PCDHGC4: variants seen among roughly 807,000 people sequenced by gnomAD.
PCDHGC4 encodes protocadherin gamma-C4.
In PCDHGC4, 15 loss-of-function variants were observed where a neutral mutation model predicts 59.7. The observed-to-expected ratio is 0.25, with a 90% CI of 0.17 to 0.39. The LOEUF (loss-of-function observed/expected upper bound fraction) is 0.39, where lower values mean the gene tolerates loss of function less well. Ranked by LOEUF, PCDHGC4 falls within the 10% of genes least tolerant of loss-of-function variation. PCDHGC4 has a pLI of 1.00. For synonymous variants in PCDHGC4, 434 were observed against 481.4 expected (o/e 0.90, Z 1.29); for missense variants, 1,016 against 1,189.5 (o/e 0.85, Z 2.15).
intron 2 of PCDHGC4, among the ~76,000 whole-genome samples, chr5:141,501,324 CA>C (rs1311475307): frequency 7.2e-5 from 11 of 151,778 alleles, no homozygotes; most frequent in African/African-American, 1.9e-4. Flanking sequence ...CACACACACA[CA>C]CACACACACC....
At chr5:141,495,255 G>A (rs1055329757) in intron 2 of PCDHGC4, among the ~76,000 whole-genome samples, 5 of 152,212 alleles carry the variant, frequency 3.3e-5, no homozygotes, top group African/African-American at 1.2e-4. Flanking sequence ...GGCTCAGGCA[G>A]AAAAGCATTT....
rs1011731430 is a variant in PCDHGC4, at chr5:141,489,676, G to A, written c.2442+2061G>A. 6.2e-7 allele frequency: 1 copy of A among 1,614,158 alleles called. No individual in the cohort carries two copies. The highest frequency in any genetic ancestry group is 8.5e-7 in the Non-Finnish European group (1 of 1,180,008). On this transcript the variant is annotated intron_variant, in intron 1 of 3. Coordinates refer to ENST00000306593, the MANE Select transcript of PCDHGC4 (RefSeq NM_018928.3). This position sits in a 1 kb window ranked among gnomAD's most constrained non-coding sequence, Gnocchi z 4.5. ...GCGAGAGATGCGCATCTCAGAATCAGCAGCATCTGGGGCACGATTCCCACT... is the reference window on the plus strand; with the variant it reads ...GCGAGAGATGCGCATCTCAGAATCAACAGCATCTGGGGCACGATTCCCACT...
rs980944782 is a variant in PCDHGC4 at position 141,487,625 on chromosome 5, T to C, written c.2442+10T>C. On this transcript the variant is annotated intron_variant, in intron 1 of 3. Coordinates refer to ENST00000306593, the MANE Select transcript of PCDHGC4 (RefSeq NM_018928.3). This position sits in a 1 kb window ranked among gnomAD's most constrained non-coding sequence, Gnocchi z 5.0. ...TCTCTATGGGCTAGAGGTGAGACCT[T>C]TGCAGGCTCAACAAATGCTTGAGGG... 4 of 1,614,090 alleles carry C rather than the reference T, an allele frequency of 2.5e-6. No homozygotes were observed. Among genetic ancestry groups the C allele is most frequent in the Admixed American group, 3.3e-5 (2 of 60,004 alleles).
Position 141,511,002 on chromosome 5 carries a change from C to A in PCDHGC4, c.2646C>A (p.Ser882Arg), listed in dbSNP as rs143630962. The change falls in exon 4 of 4, where the codon AGC becomes AGA. Residue 882 changes from serine to arginine, a missense_variant. Physicochemically the swap from Ser to Arg is moderately radical, Grantham distance 110. Transcript: ENST00000306593. Reference protein sequence around the residue: ...LGGGAGTMGLSARYGPQFTLQ... With the variant: ...LGGGAGTMGLRARYGPQFTLQ... ...GGGGTGCCGGCACCATGGGATTGAG[C>A]GCCCGCTACGGACCCCAGTTCACCC... The A allele has an allele frequency of 8.7e-6, 14 of 1,614,140 alleles. No homozygotes were observed. The highest frequency in any genetic ancestry group is 1.2e-5 in the Non-Finnish European group (14 of 1,180,018).
intron 2 of PCDHGC4, among the ~76,000 whole-genome samples, chr5:141,495,662 C>G (rs545912968): frequency 6.6e-6 from 1 of 152,138 alleles, no homozygotes; most frequent in Admixed American, 6.6e-5. Flanking sequence ...TGATCTGTGC[C>G]GCCCACTGTG....
chr5:141,488,677 G>A (rs2099678276), intron 1 of PCDHGC4, among the ~76,000 whole-genome samples: 2 of 152,184 alleles, frequency 1.3e-5, no homozygotes, highest in African/African-American at 2.4e-5. Context: ...CATGGGCTTT[G>A]CCTCTCCCAG....
In PCDHGC4 at chr5:141,491,771, G is replaced by C. The variant is rs760915700; in HGVS notation, c.2443-3036G>C. ...GGAGAAGCCGCCCGTCCTCATAAGG[G>C]ATTGAACTTGCATCCACTCCTCTCC... On this transcript the variant is annotated intron_variant, in intron 1 of 3. Coordinates refer to ENST00000306593, the MANE Select transcript of PCDHGC4 (RefSeq NM_018928.3). The surrounding 1 kb of genome is among the most constrained non-coding windows in gnomAD (Gnocchi z 6.9). 6.4e-7 allele frequency: 1 copy of C among 1,558,290 alleles called. No individual in the cohort carries two copies. Among genetic ancestry groups the C allele is most frequent in the Non-Finnish European group, 8.7e-7 (1 of 1,153,586 alleles).
In PCDHGC4 at chr5:141,509,341, G is replaced by C. The variant is rs552337350; in HGVS notation, c.2591-1606G>C. Among the ~76,000 whole-genome samples, 4 of 152,290 alleles carry C rather than the reference G, an allele frequency of 2.6e-5. No homozygotes were observed. The East Asian group carries it at 7.7e-4, about 29-fold the overall frequency. On this transcript the variant is annotated intron_variant, in intron 3 of 3. Transcript: ENST00000306593. ...GAAGCTCTACTGCCAGCTGGGCCTG[G>C]GCTGGCCTGGGCATCCCTGAGGTTT...
In PCDHGC4 at chr5:141,489,561, G is replaced by A. The variant is rs1750812409; in HGVS notation, c.2442+1946G>A. 6.2e-7 allele frequency: 1 copy of A among 1,614,106 alleles called. No homozygotes were observed. Among genetic ancestry groups the A allele is most frequent in the Non-Finnish European group, 8.5e-7 (1 of 1,180,026 alleles). On this transcript the variant is annotated intron_variant, in intron 1 of 3. Coordinates refer to ENST00000306593, the MANE Select transcript of PCDHGC4 (RefSeq NM_018928.3). The surrounding 1 kb of genome is among the most constrained non-coding windows in gnomAD (Gnocchi z 4.5). Reference sequence around the variant, plus strand: ...GCACCAGCTGCCTGCTGCCAGTGCAGGTGGTGACTGAACACCCCCTGGAGC... The same window carrying A: ...GCACCAGCTGCCTGCTGCCAGTGCAAGTGGTGACTGAACACCCCCTGGAGC...
In PCDHGC4 at chr5:141,491,359, G is replaced by C. The variant is rs764159829; in HGVS notation, c.2443-3448G>C. 3 of 1,614,154 alleles carry C rather than the reference G, an allele frequency of 1.9e-6. No homozygotes were observed. In the East Asian group the frequency reaches 6.7e-5, roughly 36 times the overall value. On this transcript the variant is annotated intron_variant, in intron 1 of 3. Coordinates refer to ENST00000306593, the MANE Select transcript of PCDHGC4 (RefSeq NM_018928.3). This position sits in a 1 kb window ranked among gnomAD's most constrained non-coding sequence, Gnocchi z 6.9. ...AGCGACCGTCAGTCTCTTATCCCTA[G>C]TCACCTTCACCTTTCTGTCAGCGAA...
intron 2 of PCDHGC4, among the ~76,000 whole-genome samples, chr5:141,502,686 C>T (rs2099815631): frequency 6.6e-6 from 1 of 152,136 alleles, no homozygotes; most frequent in Admixed American, 6.5e-5. Flanking sequence ...CCCTGATGAT[C>T]CTTGCCTGTA....
rs758132181 is a variant in PCDHGC4, at chr5:141,486,827, C to T, written c.1654C>T (p.Arg552Cys). Residue 552 changes from arginine (R) to cysteine (C), a missense_variant, in exon 1 of 4, where the codon CGT (arginine) becomes TGT (cysteine). Arg to Cys is a radical substitution (Grantham distance 180). Coordinates refer to ENST00000306593, the MANE Select transcript of PCDHGC4 (RefSeq NM_018928.3). This position sits in a 1 kb window ranked among gnomAD's most constrained non-coding sequence, Gnocchi z 5.0. ...NPPLSSTVTV[R>C]LFVLDLNDNA... The stretch of plus-strand genomic sequence containing the variant: ...ACCCCTTAGCAGCACTGTAACAGTT[C>T]GTCTATTTGTGCTGGACCTCAATGA... 10 of 1,614,110 alleles carry T rather than the reference C, an allele frequency of 6.2e-6. No individual in the cohort carries two copies. The African/African-American group carries it at 8.0e-5, about 13-fold the overall frequency.
At position 141,487,636 on chromosome 5, in the gene PCDHGC4, A is replaced by G. The variant is rs780468230; in HGVS notation, c.2442+21A>G. 3 of 1,614,192 alleles carry G rather than the reference A, an allele frequency of 1.9e-6. No homozygotes were observed. Among genetic ancestry groups the G allele is most frequent in the Non-Finnish European group, 1.7e-6 (2 of 1,180,030 alleles). Reference sequence around the variant, plus strand: ...TAGAGGTGAGACCTTTGCAGGCTCAACAAATGCTTGAGGGTTATTCTGATC... The same window carrying G: ...TAGAGGTGAGACCTTTGCAGGCTCAGCAAATGCTTGAGGGTTATTCTGATC... On this transcript the variant is annotated intron_variant, in intron 1 of 3. Transcript: ENST00000306593. This position sits in a 1 kb window ranked among gnomAD's most constrained non-coding sequence, Gnocchi z 5.0.
rs373446844 is a variant in PCDHGC4, at chr5:141,486,661, G to A, written c.1488G>A (p.Glu496=). The A allele has an allele frequency of 3.1e-6, 5 of 1,613,836 alleles. No individual in the cohort carries two copies. In the African/African-American group the frequency reaches 4.0e-5, roughly 13 times the overall value. Residue 496 remains glutamate (E), a synonymous_variant, in exon 1 of 4, where the codon GAG becomes GAA. Transcript: ENST00000306593. The surrounding 1 kb of genome is among the most constrained non-coding windows in gnomAD (Gnocchi z 5.0). The stretch of plus-strand genomic sequence containing the variant: ...CGCTTATCTCCTACTCACTCCTGGA[G>A]CCCAGGAATCGAGATGTATCAGCTT... The part of the protein sequence containing the change: ...LNALISYSLL[E]PRNRDVSASS...
intron 2 of PCDHGC4, among the ~76,000 whole-genome samples, chr5:141,496,467 TC>T (rs1289225541): frequency 1.3e-5 from 2 of 152,176 alleles, no homozygotes; most frequent in Admixed American, 1.3e-4. Flanking sequence ...GAGTTATCTT[TC>T]CCCCATCCTG....
In PCDHGC4 at chr5:141,486,872, C is replaced by T. The variant is rs1320632059; in HGVS notation, c.1699C>T (p.Arg567Cys). The change falls in exon 1 of 4, where the codon CGT (arginine) becomes TGT (cysteine). Residue 567 changes from arginine (R) to cysteine (C), a missense_variant. By Grantham distance (180) the Arg-to-Cys change is radical. Transcript: ENST00000306593. The surrounding 1 kb of genome is among the most constrained non-coding windows in gnomAD (Gnocchi z 5.0). The part of the protein sequence containing the change: ...DLNDNAPAVL[R>C]PRARPGSLCP... ...CAATGACAATGCTCCAGCTGTGCTC[C>T]GTCCTCGGGCCCGGCCTGGTTCCTT... The T allele has an allele frequency of 3.7e-6, 6 of 1,614,232 alleles. No individual in the cohort carries two copies. Among genetic ancestry groups the T allele is most frequent in the African/African-American group, 1.3e-5 (1 of 75,070 alleles).
At position 141,487,075 on chromosome 5, in the gene PCDHGC4, C is replaced by T. The variant is rs755563146; in HGVS notation, c.1902C>T (p.Ile634=). The T allele has an allele frequency of 1.9e-6, 3 of 1,614,116 alleles. No individual in the cohort carries two copies. The highest frequency in any genetic ancestry group is 2.5e-6 in the Non-Finnish European group (3 of 1,179,982). ...GGGAGGTGCGGACGGCTGTTCCTATCCCAGCTGACCTCCCACCACAGAAGC... is the reference window on the plus strand; with the variant it reads ...GGGAGGTGCGGACGGCTGTTCCTATTCCAGCTGACCTCCCACCACAGAAGC... ...YAGEVRTAVP[I]PADLPPQKLV... is the part of the protein sequence containing the mutation. Residue 634 remains isoleucine, a synonymous_variant, in exon 1 of 4, where the codon ATC becomes ATT. Transcript: ENST00000306593. This position sits in a 1 kb window ranked among gnomAD's most constrained non-coding sequence, Gnocchi z 5.0.
rs756144117 is a variant in PCDHGC4, at chr5:141,485,181, G to A, written c.8G>A (p.Arg3His). The change falls in exon 1 of 4, where the codon CGC becomes CAC. Residue 3 changes from arginine (R) to histidine (H), a missense_variant. Transcript: ENST00000306593. This position sits in a 1 kb window ranked among gnomAD's most constrained non-coding sequence, Gnocchi z 5.7. ...AATTAGCGGGCGGCAGCAATGCTCC[G>A]CAAGGTGAGAAGCTGGACAGAAATC... ML[R>H]KVRSWTEIWR... 3.1e-6 allele frequency: 5 copies of A among 1,612,942 alleles called. No individual in the cohort carries two copies. The South Asian group carries it at 4.4e-5, about 14-fold the overall frequency.
At position 141,489,733 on chromosome 5, in the gene PCDHGC4, A is replaced by C; in HGVS notation, c.2442+2118A>C. ...TGCCCAGGATCCGGATGTGGGCACC[A>C]ATACTGTGAGCTTTTACACTCTAAG... On this transcript the variant is annotated intron_variant, in intron 1 of 3. Coordinates refer to ENST00000306593, the MANE Select transcript of PCDHGC4 (RefSeq NM_018928.3). This position sits in a 1 kb window ranked among gnomAD's most constrained non-coding sequence, Gnocchi z 4.5. 1 of 1,614,168 alleles carries C rather than the reference A, an allele frequency of 6.2e-7. No individual in the cohort carries two copies. The highest frequency in any genetic ancestry group is 1.1e-5 in the South Asian group (1 of 91,078).
Sources: allele counts gnomAD v4.1 joint callset (sites outside exome capture counted in the v4.1 genomes callset), GRCh38; gene constraint gnomAD v4.1.1; non-coding constraint Gnocchi (gnomAD v3.1); transcripts MANE v1.5; gene names NCBI Gene and HGNC (gene_info 2026-07-23, HGNC 2026-07-21).